DSCAM: variants seen among roughly 807,000 people sequenced by gnomAD.
DSCAM encodes the protein cell adhesion molecule DSCAM.
In DSCAM, 47 loss-of-function variants were observed where a neutral mutation model predicts 217.7. That is an observed-to-expected ratio of 0.22 (90% CI 0.17 to 0.28). The LOEUF is 0.28. DSCAM is among the 10% of genes least tolerant of loss of function. The pLI, the probability that DSCAM is intolerant of heterozygous loss-of-function variation, is 1.00. For missense variants in DSCAM, 2,080 were observed against 2,618.3 expected, an observed-to-expected ratio of 0.79 and a Z score of 4.49; for synonymous variants, 1,056 against 1,015.3, an observed-to-expected ratio of 1.04 and a Z score of -0.76.
intron 1 of DSCAM, among the ~76,000 whole-genome samples, chr21:40,818,272 T>C (rs1051012298): frequency 1.4e-4 from 21 of 148,192 alleles, no homozygotes; most frequent in East Asian, 8.3e-4. Context: ...GTCGGCCGGG[T>C]GCAGTGGCTC....
At chr21:40,204,516 C>T (rs2091103653) in intron 11 of DSCAM, among the ~76,000 whole-genome samples, 1 of 152,056 alleles carries the variant, frequency 6.6e-6, no homozygotes, top group Non-Finnish European at 1.5e-5. Flanking sequence ...AAAGGAAAAC[C>T]TTAAAGTTCT....
At position 40,497,727 on chromosome 21, in the gene DSCAM, AATAT is replaced by A. The variant is rs1209551319; in HGVS notation, c.509-128486_509-128483del. ...AGAAAACATCCTGTTGTACACAATA[AATAT>A]ATATACATTTATTTGTCAATATACA... is the stretch of plus-strand genomic sequence containing the variant. On this transcript the variant is annotated intron_variant, in intron 3 of 32. Coordinates refer to ENST00000400454, the MANE Select transcript of DSCAM (RefSeq NM_001389.5). Among the ~76,000 whole-genome samples the A allele has an allele frequency of 2.6e-5, 4 of 152,318 alleles. No individual in the cohort carries two copies. The East Asian group carries it at 7.7e-4, about 29-fold the overall frequency.
At chr21:40,808,797 G>C (rs1329542709) in intron 1 of DSCAM, among the ~76,000 whole-genome samples, 1 of 152,066 alleles carries the variant, frequency 6.6e-6, no homozygotes, top group African/African-American at 2.4e-5. Flanking sequence ...AGTTGAAGAA[G>C]ACTTTGGAGA....
chr21:40,235,300 A>G (rs1320657504), intron 11 of DSCAM, among the ~76,000 whole-genome samples: 1 of 152,242 alleles, frequency 6.6e-6, no homozygotes, highest in African/African-American at 2.4e-5. Context: ...AACCATCTGT[A>G]CTAGCCTCTA....
intron 4 of DSCAM, among the ~76,000 whole-genome samples, chr21:40,358,427 A>G (rs1299234265): frequency 2.6e-5 from 4 of 152,216 alleles, no homozygotes; most frequent in Admixed American, 2.6e-4. Context: ...CATAGGGAAA[A>G]TATCTTCATG....
chr21:40,044,270 T>C lies in DSCAM; in HGVS notation c.5191A>G (p.Thr1731Ala), dbSNP rs1254321551. The C allele has an allele frequency of 1.2e-6, 2 of 1,613,640 alleles. No homozygotes were observed. The highest frequency in any genetic ancestry group is 1.7e-6 in the Non-Finnish European group (2 of 1,179,796). Reference protein sequence around the residue: ...VSDARPGTNPTTRRNAKAGPT... With the variant: ...VSDARPGTNPATRRNAKAGPT... ...CCAGCCTTGGCATTCCTCCTGGTGG[T>C]GGGATCTGTGAAGAGCCAAGAATCA... The change falls in exon 31 of 33, where the codon ACC (threonine) becomes GCC (alanine). Residue 1731 changes from threonine to alanine, a missense_variant. Physicochemically the swap from Thr to Ala is moderately conservative, Grantham distance 58. Coordinates refer to ENST00000400454, the MANE Select transcript of DSCAM (RefSeq NM_001389.5).
chr21:40,416,943 TA>T (rs1228206644), intron 3 of DSCAM, among the ~76,000 whole-genome samples: 3 of 152,150 alleles, frequency 2.0e-5, no homozygotes, highest in African/African-American at 7.2e-5. Flanking sequence ...CTCATGTAAC[TA>T]GCTATCATTA....
At chr21:40,605,791 C>CT (rs755767800) in intron 3 of DSCAM, among the ~76,000 whole-genome samples, 6,972 of 61,838 alleles carry the variant, frequency 0.11, 1,636 homozygotes, top group Non-Finnish European at 0.16. Flanking sequence ...AATGCACATT[C>CT]TTTTTTTTTT....
intron 3 of DSCAM, among the ~76,000 whole-genome samples, chr21:40,464,620 A>G (rs2075829726): frequency 6.6e-6 from 1 of 152,132 alleles, no homozygotes; most frequent in South Asian, 2.1e-4. Context: ...CACTTTTAAA[A>G]TATATCCGAC....
chr21:40,144,521 GAGA>G lies in DSCAM; in HGVS notation c.3226_3228del (p.Ser1076del), dbSNP rs940887075. ...TCGAGAGTGGTGGTGATGATTTCCT[GAGA>G]AGAAGGCCCCGTGCCGGCCCGGTTA... On this transcript the variant is annotated inframe_deletion, in exon 17 of 33. Coordinates refer to ENST00000400454, the MANE Select transcript of DSCAM (RefSeq NM_001389.5). This position sits in a 1 kb window ranked among gnomAD's most constrained non-coding sequence, Gnocchi z 4.8. The G allele has an allele frequency of 1.9e-6, 3 of 1,614,086 alleles. No individual in the cohort carries two copies. The highest frequency in any genetic ancestry group is 1.1e-5 in the South Asian group (1 of 91,084).
At chr21:40,528,955 G>A (rs74862025) in intron 3 of DSCAM, among the ~76,000 whole-genome samples, 10,040 of 140,202 alleles carry the variant, frequency 0.072, 555 homozygotes, top group African/African-American at 0.16. Context: ...CCAGGCTGGA[G>A]TGCAGTGGTG....
intron 3 of DSCAM, among the ~76,000 whole-genome samples, chr21:40,541,688 C>T (rs2076543970): frequency 6.6e-6 from 1 of 152,040 alleles, no homozygotes; most frequent in South Asian, 2.1e-4. Flanking sequence ...CAACATTTTA[C>T]AAGTTGTGAT....
chr21:40,086,488 C>T lies in DSCAM; in HGVS notation c.3968+682G>A, dbSNP rs551135241. On this transcript the variant is annotated intron_variant, in intron 22 of 32. Transcript: ENST00000400454. ...AAGCCATTATTTCTACAGTTTATGCCTTCTAAGTGCTTTTGCTTGAAAATA... is the reference window on the plus strand; with the variant it reads ...AAGCCATTATTTCTACAGTTTATGCTTTCTAAGTGCTTTTGCTTGAAAATA... Among the ~76,000 whole-genome samples, 4 of 152,260 alleles carry T rather than the reference C, an allele frequency of 2.6e-5. No homozygotes were observed. In the South Asian group the frequency reaches 8.3e-4, roughly 32 times the overall value.
chr21:40,430,128 T>C (rs574747492), intron 3 of DSCAM, among the ~76,000 whole-genome samples: 20 of 152,186 alleles, frequency 1.3e-4, no homozygotes, highest in Non-Finnish European at 2.5e-4. Flanking sequence ...CTCTGCACAT[T>C]GCATTTGATG....
intron 6 of DSCAM, 110 bp downstream of exon 6, chr21:40,347,560 A>G (rs2074572199): frequency 7.7e-6 from 11 of 1,434,320 alleles, no homozygotes; most frequent in Non-Finnish European, 9.5e-6. Context: ...CTGGTGAGAC[A>G]GAGAGCCTAG....
rs11431306 is a variant in DSCAM, at chr21:40,292,185, C to CTTT, written c.2182+3867_2182+3869dup. ...AGACCCAAGGTCAAAAATGTAATGA[C>CTTT]TTTTTTTTTTTTTTTTTTTTTGTAG... On this transcript the variant is annotated intron_variant, in intron 10 of 32. Transcript: ENST00000400454. 3.4e-3 allele frequency among the ~76,000 whole-genome samples: 377 copies of CTTT among 110,222 alleles called. 6 individuals are homozygous for CTTT. The highest frequency in any genetic ancestry group is 5.5e-3 in the Non-Finnish European group (301 of 55,192). 72.3% of individuals were successfully genotyped at this position (110,222 alleles called of 152,430 possible). A position where few individuals can be genotyped will look rare whatever the true frequency, so the allele number is the denominator to read the frequency against.
In DSCAM at chr21:40,448,349, TCTC is replaced by T. The variant is rs1338800966; in HGVS notation, c.509-79107_509-79105del. ...CTCTCTTCTTGAGCTAGAACATCTG[TCTC>T]CTCCTGCAATGGACATCGCAGCTCC... On this transcript the variant is annotated intron_variant, in intron 3 of 32. Transcript: ENST00000400454. Among the ~76,000 whole-genome samples, 9 of 152,254 alleles carry T rather than the reference TCTC, an allele frequency of 5.9e-5. No homozygotes were observed. In the East Asian group the frequency reaches 1.7e-3, roughly 29 times the overall value.
rs868479761 is a variant in DSCAM, at chr21:40,042,464, C to T, written c.5593G>A (p.Glu1865Lys). The T allele has an allele frequency of 6.2e-7, 1 of 1,614,192 alleles. No homozygotes were observed. The highest frequency in any genetic ancestry group is 8.5e-7 in the Non-Finnish European group (1 of 1,180,028). The change falls in exon 32 of 33, where the codon GAA (glutamate) becomes AAA (lysine). Residue 1865 changes from glutamate (E) to lysine (K), a missense_variant. Coordinates refer to ENST00000400454, the MANE Select transcript of DSCAM (RefSeq NM_001389.5). ...GCAGTGAACCTGCAGATTCCCGATT[C>T]GGAAGGGGTGCTGGAGGTCAGACTG... ...TDSLTSSTPSESGICRFTASP... is the reference protein window; with the variant it reads ...TDSLTSSTPSKSGICRFTASP...
At chr21:40,781,434 A>G (rs777982670) in intron 1 of DSCAM, among the ~76,000 whole-genome samples, 1 of 152,244 alleles carries the variant, frequency 6.6e-6, no homozygotes, top group Non-Finnish European at 1.5e-5. Flanking sequence ...TGTACATACA[A>G]TTGACTCTCT....
Sources: gnomAD v4.1 joint callset for allele counts (sites outside exome capture counted in the v4.1 genomes callset) on GRCh38, gnomAD v4.1.1 for gene constraint, Gnocchi (gnomAD v3.1) non-coding constraint, MANE v1.5 for transcripts, NCBI Gene and HGNC (gene_info 2026-07-23, HGNC 2026-07-21) for gene names.